The following PCSK2 variants were observed in gnomAD, a reference collection of about 807,000 sequenced individuals.
PCSK2 encodes proprotein convertase subtilisin/kexin type 2.
PCSK2 carries 14 observed loss-of-function variants against 69.7 expected under a neutral mutation model. The ratio of observed to expected loss-of-function variants is 0.20; its 90% confidence interval spans 0.13 to 0.31. PCSK2 has a LOEUF of 0.31. PCSK2 is among the 10% of genes least tolerant of loss of function. The pLI is 1.00. For synonymous variants in PCSK2, 307 were observed against 320.7 expected (o/e 0.96, Z 0.46); for missense variants, 544 against 842.5 (o/e 0.65, Z 4.39).
intron 5 of PCSK2, among the ~76,000 whole-genome samples, chr20:17,381,750 G>C (rs1160542765): frequency 6.6e-6 from 1 of 152,054 alleles, no homozygotes; most frequent in East Asian, 1.9e-4. Context: ...TATGGGTATT[G>C]GACCACCCTC....
At chr20:17,246,970 G>A (rs143106947) in intron 1 of PCSK2, among the ~76,000 whole-genome samples, 8 of 152,204 alleles carry the variant, frequency 5.3e-5, no homozygotes, top group African/African-American at 1.9e-4. Context: ...TGTCTATTAG[G>A]TACCTTTAGA....
At chr20:17,428,491 T>C (rs1480607299) in intron 6 of PCSK2, among the ~76,000 whole-genome samples, 3 of 152,196 alleles carry the variant, frequency 2.0e-5, no homozygotes, top group African/African-American at 7.2e-5. Context: ...CCCAAGAGGA[T>C]GTCCCAGACA....
intron 6 of PCSK2, among the ~76,000 whole-genome samples, chr20:17,422,993 T>C (rs2032165080): frequency 6.6e-6 from 1 of 152,086 alleles, no homozygotes; most frequent in African/African-American, 2.4e-5. Context: ...AAGACCTAAA[T>C]GGATATAAAT....
At chr20:17,402,257 C>A (rs1349354406) in intron 5 of PCSK2, among the ~76,000 whole-genome samples, 1 of 152,176 alleles carries the variant, frequency 6.6e-6, no homozygotes, top group Non-Finnish European at 1.5e-5. Flanking sequence ...TTGGGGCACC[C>A]TATTAGCCAT....
rs57203143 is a variant in PCSK2, at chr20:17,387,611, A to C, written c.543+18334A>C. On this transcript the variant is annotated intron_variant, in intron 5 of 11. Transcript: ENST00000262545. ...CAAGCAATCTCAGAGAGGGACCAAAATGGAAGCTACAATATCTTTTACGAT... is the reference window on the plus strand; with the variant it reads ...CAAGCAATCTCAGAGAGGGACCAAACTGGAAGCTACAATATCTTTTACGAT... Among the ~76,000 whole-genome samples the C allele has an allele frequency of 4.6e-3, 693 of 152,284 alleles. 6 individuals carry two copies. The highest frequency in any genetic ancestry group is 0.016 in the African/African-American group (649 of 41,546).
chr20:17,300,544 T>C (rs1163208488), intron 2 of PCSK2, among the ~76,000 whole-genome samples: 1 of 152,242 alleles, frequency 6.6e-6, no homozygotes, highest in Non-Finnish European at 1.5e-5. Flanking sequence ...TTTAGTTCCT[T>C]CTGCAGTTTA....
At chr20:17,262,051 T>C (rs1160743682) in intron 2 of PCSK2, among the ~76,000 whole-genome samples, 1 of 152,198 alleles carries the variant, frequency 6.6e-6, no homozygotes, top group East Asian at 1.9e-4. Flanking sequence ...GGCCTGAGCT[T>C]TTCCCATTCT....
At chr20:17,373,682 A>C (rs186340447) in intron 5 of PCSK2, among the ~76,000 whole-genome samples, 43 of 152,366 alleles carry the variant, frequency 2.8e-4, no homozygotes, top group Non-Finnish European at 5.7e-4. Flanking sequence ...ACCAACCAAA[A>C]TGTTTCTGAA....
chr20:17,346,359 G>A (rs1012098051), intron 2 of PCSK2, among the ~76,000 whole-genome samples: 18 of 152,132 alleles, frequency 1.2e-4, no homozygotes, highest in African/African-American at 4.3e-4. Flanking sequence ...GACACTGACT[G>A]TTCACAGCTG....
intron 5 of PCSK2, among the ~76,000 whole-genome samples, chr20:17,372,490 G>A (rs1177120958): frequency 6.6e-6 from 1 of 152,000 alleles, no homozygotes; most frequent in Non-Finnish European, 1.5e-5. Context: ...AAATATTCAA[G>A]AGGAAGTTTG....
At chr20:17,397,519 G>A (rs772858278) in intron 5 of PCSK2, among the ~76,000 whole-genome samples, 32 of 150,950 alleles carry the variant, frequency 2.1e-4, no homozygotes, top group African/African-American at 6.3e-4. Flanking sequence ...TCACTCTGTC[G>A]CCCAGGCTGG....
At chr20:17,438,775 G>A (rs1046428875) in intron 8 of PCSK2, among the ~76,000 whole-genome samples, 11 of 152,224 alleles carry the variant, frequency 7.2e-5, no homozygotes, top group Non-Finnish European at 1.0e-4. Context: ...GCCCACAGCC[G>A]ATGACTAAGG....
At chr20:17,379,081 T>A (rs1359571430) in intron 5 of PCSK2, among the ~76,000 whole-genome samples, 1 of 152,190 alleles carries the variant, frequency 6.6e-6, no homozygotes, top group African/African-American at 2.4e-5. Flanking sequence ...TGAGCTGACA[T>A]CCATTTTCAC....
At chr20:17,242,339 A>T (rs1986611457) in intron 1 of PCSK2, among the ~76,000 whole-genome samples, 1 of 152,198 alleles carries the variant, frequency 6.6e-6, no homozygotes, top group Admixed American at 6.5e-5. Context: ...CAAATCAGCT[A>T]ATTACAGAAG....
chr20:17,363,711 G>C (rs1413289094), intron 4 of PCSK2, among the ~76,000 whole-genome samples: 1 of 152,226 alleles, frequency 6.6e-6, no homozygotes, highest in Non-Finnish European at 1.5e-5. Context: ...GCGAGCTAAG[G>C]TCAGAGGGAG....
intron 6 of PCSK2, among the ~76,000 whole-genome samples, chr20:17,418,181 C>T (rs1169476103): frequency 6.6e-6 from 1 of 152,218 alleles, no homozygotes; most frequent in Non-Finnish European, 1.5e-5. Flanking sequence ...ATTCATTCAA[C>T]TAATTCTCGT....
At chr20:17,402,304 G>A (rs1181132287) in intron 5 of PCSK2, among the ~76,000 whole-genome samples, 1 of 152,216 alleles carries the variant, frequency 6.6e-6, no homozygotes, top group Non-Finnish European at 1.5e-5. Flanking sequence ...TCTGTTTAGT[G>A]TTTAGAACCT....
At chr20:17,389,360 A>T (rs2031314096) in intron 5 of PCSK2, among the ~76,000 whole-genome samples, 1 of 152,218 alleles carries the variant, frequency 6.6e-6, no homozygotes, top group South Asian at 2.1e-4. Context: ...TACAGGGGAT[A>T]TGCCCTTATG....
chr20:17,250,336 A>G (rs1281563830), intron 1 of PCSK2, among the ~76,000 whole-genome samples: 1 of 152,072 alleles, frequency 6.6e-6, no homozygotes, highest in African/African-American at 2.4e-5. Flanking sequence ...GTCAGTTATG[A>G]GTTTGTCTGA....
Sources: allele counts gnomAD v4.1 joint callset (sites outside exome capture counted in the v4.1 genomes callset), GRCh38; gene constraint gnomAD v4.1.1; transcripts MANE v1.5; gene names NCBI Gene and HGNC (gene_info 2026-07-23, HGNC 2026-07-21).